The following TRIP12 variants were observed in gnomAD, a reference collection of about 807,000 sequenced individuals.
TRIP12 encodes the protein thyroid hormone receptor interactor 12.
Under a neutral mutation model 244.2 loss-of-function variants are expected in TRIP12, and 25 were observed. That is an observed-to-expected ratio of 0.10 (90% confidence interval 0.07 to 0.14). The LOEUF (loss-of-function observed/expected upper bound fraction) is 0.14, where lower values mean the gene tolerates loss of function less well. Ranked by LOEUF, TRIP12 falls within the 10% of genes least tolerant of loss-of-function variation. The pLI is 1.00. For missense variants in TRIP12, 1,677 were observed against 2,486.4 expected (o/e 0.67, Z 6.92); for synonymous variants, 905 against 873.1 (o/e 1.04, Z -0.64).
chr2:229,884,831 C>A (rs575833777), intron 1 of TRIP12, among the ~76,000 whole-genome samples: 1 of 152,214 alleles, frequency 6.6e-6, no homozygotes, highest in African/African-American at 2.4e-5. Context: ...ATTAGCCAGG[C>A]AGGACGGTGC....
rs1300230501 is a variant in TRIP12, at chr2:229,858,815, C to A, written c.984G>T (p.Glu328Asp). 7 of 1,609,108 alleles carry A rather than the reference C, an allele frequency of 4.4e-6. No homozygotes were observed. Among genetic ancestry groups the A allele is most frequent in the Non-Finnish European group, 5.1e-6 (6 of 1,175,942 alleles). The change falls in exon 4 of 42, where the codon GAG becomes GAT. Residue 328 changes from glutamate (E) to aspartate (D), a missense_variant. Around this residue, in one of 11 missense-constraint regions of TRIP12, gnomAD observed 387 missense variants for 392.6 expected, o/e 0.99. Coordinates refer to ENST00000675903, the MANE Select transcript of TRIP12 (RefSeq NM_001348323.3). The part of the protein sequence containing the change: ...KLSLPGSSKS[E>D]TSKPGPSGLQ... ...ATCCAGAAGGTCCAGGTTTTGATGT[C>A]TCTGACTTAGAAGACCCTGGAAGAG...
chr2:229,901,324 G>A (rs1041375612), intron 1 of TRIP12, among the ~76,000 whole-genome samples: 87 of 151,776 alleles, frequency 5.7e-4, no homozygotes, highest in South Asian at 2.1e-4. Flanking sequence ...TTGGCCAGGC[G>A]CAGTGGCTCA....
chr2:229,879,444 G>C (rs977448149), intron 2 of TRIP12, among the ~76,000 whole-genome samples: 1 of 152,102 alleles, frequency 6.6e-6, no homozygotes, highest in African/African-American at 2.4e-5. Context: ...TACTTCATAT[G>C]TAACTACTCC....
At chr2:229,771,278 C>G (rs185701017) in intron 39 of TRIP12, among the ~76,000 whole-genome samples, 169 of 152,332 alleles carry the variant, frequency 1.1e-3, no homozygotes, top group African/African-American at 3.6e-3. Flanking sequence ...AGGGTCTTGG[C>G]TGACAAAGAT....
chr2:229,899,010 T>G (rs2069783778), intron 1 of TRIP12, among the ~76,000 whole-genome samples: 1 of 152,174 alleles, frequency 6.6e-6, no homozygotes, highest in African/African-American at 2.4e-5. Context: ...CTAAAAGTCA[T>G]CAGCAAGAAA....
chr2:229,898,855 CTAATT>C (rs144388760), intron 1 of TRIP12, among the ~76,000 whole-genome samples: 37,927 of 151,764 alleles, frequency 0.25, 5,814 homozygotes, highest in Middle Eastern at 0.43. Context: ...CCGCATCCAC[CTAATT>C]TATTTTTATT....
intron 1 of TRIP12, among the ~76,000 whole-genome samples, chr2:229,885,241 C>A (rs1275427458): frequency 1.3e-5 from 2 of 152,122 alleles, no homozygotes; most frequent in Non-Finnish European, 2.9e-5. Flanking sequence ...CCCCTAATTT[C>A]TTACGGACTT....
At chr2:229,856,364 G>A (rs768694977) in intron 4 of TRIP12, among the ~76,000 whole-genome samples, 12 of 152,210 alleles carry the variant, frequency 7.9e-5, no homozygotes, top group Non-Finnish European at 1.2e-4. Context: ...TATCAAACCA[G>A]CAGCAAAATG....
intron 1 of TRIP12, among the ~76,000 whole-genome samples, chr2:229,911,669 T>C (rs1181269522): frequency 1.3e-5 from 2 of 152,204 alleles, no homozygotes. Flanking sequence ...ATTGTATGTA[T>C]TGACACATTA....
rs143887782 is a variant in TRIP12, at chr2:229,816,509, T to G, written c.1600-1201A>C. 5.9e-5 allele frequency among the ~76,000 whole-genome samples: 9 copies of G among 152,310 alleles called. No individual in the cohort carries two copies. In the East Asian group the frequency reaches 1.7e-3, roughly 29 times the overall value. ...TACCCTTTCACCAAAAATGGCTATT[T>G]ATGTCACATGACTGTATTGTGATGA... On this transcript the variant is annotated intron_variant, in intron 9 of 41. Transcript: ENST00000675903.
At chr2:229,817,658 C>T (rs1039449247) in intron 9 of TRIP12, among the ~76,000 whole-genome samples, 1 of 152,116 alleles carries the variant, frequency 6.6e-6, no homozygotes, top group East Asian at 1.9e-4. Flanking sequence ...TGGCTCACTG[C>T]AAGAGATTAG....
At chr2:229,908,073 C>T (rs997271988) in intron 1 of TRIP12, among the ~76,000 whole-genome samples, 9 of 152,174 alleles carry the variant, frequency 5.9e-5, no homozygotes, top group South Asian at 2.1e-4. Flanking sequence ...ATTATTCATA[C>T]ATTATCACAT....
chr2:229,839,576 G>A (rs1029691408), intron 5 of TRIP12, among the ~76,000 whole-genome samples: 9 of 152,102 alleles, frequency 5.9e-5, no homozygotes, highest in Non-Finnish European at 1.0e-4. Context: ...CTACTCGGGA[G>A]GCCGAGGCAG....
At chr2:229,921,366 G>A in intron 1 of TRIP12, 1 of 152,828 alleles carries the variant, frequency 6.5e-6, no homozygotes, top group Non-Finnish European at 1.5e-5. Flanking sequence ...TTTCCGGGCC[G>A]TCCACGGCCC....
intron 1 of TRIP12, among the ~76,000 whole-genome samples, chr2:229,909,106 A>AG (rs1425081991): frequency 4.6e-5 from 7 of 151,318 alleles, no homozygotes; most frequent in South Asian, 4.2e-4. Flanking sequence ...AAAAAAAAAA[A>AG]AGAGATTTTA....
intron 34 of TRIP12, among the ~76,000 whole-genome samples, chr2:229,781,302 A>G (rs2038079467): frequency 6.6e-6 from 1 of 152,266 alleles, no homozygotes; most frequent in Admixed American, 6.5e-5. Context: ...CAGAAACAGA[A>G]AAACAAAAGT....
intron 1 of TRIP12, among the ~76,000 whole-genome samples, chr2:229,901,330 G>T (rs1431825046): frequency 6.6e-6 from 1 of 151,832 alleles, no homozygotes; most frequent in South Asian, 2.1e-4. Context: ...AGGCGCAGTG[G>T]CTCACTTTGG....
intron 37 of TRIP12, among the ~76,000 whole-genome samples, chr2:229,777,047 T>C (rs7598508): frequency 0.32 from 48,289 of 152,046 alleles, 7,815 homozygotes; most frequent in Middle Eastern, 0.44. Flanking sequence ...ATACATAATA[T>C]GTCCATCTAA....
intron 34 of TRIP12, among the ~76,000 whole-genome samples, chr2:229,779,905 G>C (rs1357369344): frequency 6.6e-6 from 1 of 152,178 alleles, no homozygotes; most frequent in African/African-American, 2.4e-5. Context: ...GGTCCCGCCA[G>C]ATCAGACCAT....
Sources: allele counts gnomAD v4.1 joint callset (sites outside exome capture counted in the v4.1 genomes callset), GRCh38; gene constraint gnomAD v4.1.1; regional missense constraint gnomAD v4.1.1; transcripts MANE v1.5; gene names NCBI Gene and HGNC (gene_info 2026-07-23, HGNC 2026-07-21).